The following NR2F2 variants were observed in gnomAD, a reference collection of about 807,000 sequenced individuals.
NR2F2 encodes COUP transcription factor 2.
In NR2F2, 2 loss-of-function variants were observed where a neutral mutation model predicts 34.8. The observed-to-expected ratio is 0.06, with a 90% confidence interval of 0.02 to 0.18. NR2F2 has a LOEUF of 0.18. NR2F2 is among the 10% of genes least tolerant of loss of function. The pLI, the probability that NR2F2 is intolerant of heterozygous loss-of-function variation, is 1.00. For missense variants in NR2F2, 300 were observed against 580.1 expected (o/e 0.52, Z 4.96); for synonymous variants, 274 against 251.8 (o/e 1.09, Z -0.84).
chr15:96,331,245 CCGGAGAGAGCGAGGCGCGCGCCGGA>C lies in NR2F2; in HGVS notation c.-858_-834del. On this transcript the variant is annotated 5_prime_UTR_variant, in exon 1 of 3. Transcript: ENST00000394166. ...ACCCAGCGACTGCGGGCGGCGGCGG[CCGGAGAGAGCGAGGCGCGCGCCGGA>C]CGCCCGGGGCAGGCGGCGGCGGCGG... 1 of 987,136 alleles carries C rather than the reference CCGGAGAGAGCGAGGCGCGCGCCGGA, an allele frequency of 1.0e-6. No homozygotes were observed. The highest frequency in any genetic ancestry group is 1.2e-6 in the Non-Finnish European group (1 of 832,294). The allele number at this position is 987,136 out of a possible 1,614,324, so 61.1% of individuals were successfully genotyped here.
In NR2F2 at chr15:96,334,260, C is replaced by G; in HGVS notation, c.627C>G (p.Ile209Met). The change falls in exon 2 of 3, where the codon ATC becomes ATG. Residue 209 changes from isoleucine to methionine, a missense_variant. By Grantham distance (10) the Ile-to-Met change is conservative. This residue lies in a region of NR2F2 where 164 missense variants were observed against 365.3 expected (regional missense o/e 0.45). Transcript: ENST00000394166. Reference sequence around the variant, plus strand: ...TGCAGCCCAACAACATCATGGGTATCGAGAACATTTGCGAACTGGCCGCGA... The same window carrying G: ...TGCAGCCCAACAACATCATGGGTATGGAGAACATTTGCGAACTGGCCGCGA... ...QCMQPNNIMG[I>M]ENICELAARM... 6.2e-7 allele frequency: 1 copy of G among 1,614,246 alleles called. No homozygotes were observed. The highest frequency in any genetic ancestry group is 8.5e-7 in the Non-Finnish European group (1 of 1,180,054).
chr15:96,333,237 G>A (rs1208183007), intron 1 of NR2F2: 7 of 626,830 alleles, frequency 1.1e-5, no homozygotes, highest in Non-Finnish European at 1.4e-5. Context: ...CGAGCGCCGC[G>A]AGCCGTGCTT....
upstream of NR2F2, among the ~76,000 whole-genome samples, chr15:96,330,076 G>A (rs1899087151): frequency 6.6e-6 from 1 of 152,128 alleles, no homozygotes; most frequent in Non-Finnish European, 1.5e-5. Context: ...CTTTCGTTTG[G>A]AAAATGCCTA....
At chr15:96,333,188 C>T in intron 1 of NR2F2, 3 of 245,426 alleles carry the variant, frequency 1.2e-5, no homozygotes, top group Non-Finnish European at 2.2e-5. Flanking sequence ...CGGCTGCTTT[C>T]GCTCTGCGCG....
upstream of NR2F2, chr15:96,327,179 C>CA (rs55741326): frequency 0.1 from 12,365 of 120,122 alleles, 635 homozygotes; most frequent in Admixed American, 0.16. Context: ...AAACCCAGTT[C>CA]AAAAAAAAAA....
In NR2F2 at chr15:96,340,152, AAC is replaced by A. The variant is rs1396527878; in HGVS notation, c.*2534_*2535del. On this transcript the variant is annotated 3_prime_UTR_variant, in exon 3 of 3. Transcript: ENST00000394166. The stretch of plus-strand genomic sequence containing the variant: ...TGTGTGAAGTTTCTCTAATAAGTAA[AAC>A]ACAGGCCCTTTTCCTTGTTTGTTTT... 6.6e-6 allele frequency: 1 copy of A among 152,166 alleles called. No individual in the cohort carries two copies. Among genetic ancestry groups the A allele is most frequent in the Non-Finnish European group, 1.5e-5 (1 of 68,034 alleles). The allele number at this position is 152,166 out of a possible 1,614,324, so 9.4% of individuals were successfully genotyped here.
intron 2 of NR2F2, among the ~76,000 whole-genome samples, chr15:96,336,442 T>C (rs1053360708): frequency 2.6e-5 from 4 of 152,070 alleles, no homozygotes; most frequent in African/African-American, 9.7e-5. Flanking sequence ...GAGGTGGTGG[T>C]GGAGATTTTC....
chr15:96,339,252 A>G lies in NR2F2; in HGVS notation c.*1630A>G, dbSNP rs889924949. ...TGACAGTTACTCAGAAGATCGTTCA[A>G]GCAAGCTAATCACAGCATTGTAACT... On this transcript the variant is annotated 3_prime_UTR_variant, in exon 3 of 3. Transcript: ENST00000394166. 1 of 152,220 alleles carries G rather than the reference A, an allele frequency of 6.6e-6. No individual in the cohort carries two copies. The highest frequency in any genetic ancestry group is 2.1e-4 in the South Asian group (1 of 4,828). 9.4% of individuals were successfully genotyped at this position (152,220 alleles called of 1,614,324 possible).
At position 96,340,092 on chromosome 15, in the gene NR2F2, G is replaced by T. The variant is rs11045; in HGVS notation, c.*2470G>T. 0.44 allele frequency: 66,802 copies of T among 152,036 alleles called. 19,996 individuals are homozygous for T. Among genetic ancestry groups the T allele is most frequent in the African/African-American group, 0.83 (34,338 of 41,480 alleles). The allele number at this position is 152,036 out of a possible 1,614,324, so 9.4% of individuals were successfully genotyped here. Reference sequence around the variant, plus strand: ...GTTCGAGGTTTTGTCGGTTGTTGTTGATTTTCTTCCTCTTGCAAGTGCTAT... The same window carrying T: ...GTTCGAGGTTTTGTCGGTTGTTGTTTATTTTCTTCCTCTTGCAAGTGCTAT... On this transcript the variant is annotated 3_prime_UTR_variant, in exon 3 of 3. Coordinates refer to ENST00000394166, the MANE Select transcript of NR2F2 (RefSeq NM_021005.4).
upstream of NR2F2, among the ~76,000 whole-genome samples, chr15:96,330,548 G>A (rs1449420495): frequency 6.7e-6 from 1 of 148,914 alleles, no homozygotes; most frequent in African/African-American, 2.4e-5. Context: ...CCGCAGTCCG[G>A]CCAATGACGG....
At position 96,339,301 on chromosome 15, in the gene NR2F2, T is replaced by A. The variant is rs1899431284; in HGVS notation, c.*1679T>A. Reference sequence around the variant, plus strand: ...CTAGAGGACAGTTGTTTGCAGTGAGTTTTTCCTTAAGTAGGTACGATTTTT... The same window carrying A: ...CTAGAGGACAGTTGTTTGCAGTGAGATTTTCCTTAAGTAGGTACGATTTTT... On this transcript the variant is annotated 3_prime_UTR_variant, in exon 3 of 3. Coordinates refer to ENST00000394166, the MANE Select transcript of NR2F2 (RefSeq NM_021005.4). 6.6e-6 allele frequency: 1 copy of A among 152,016 alleles called. No individual in the cohort carries two copies. Among genetic ancestry groups the A allele is most frequent in the Non-Finnish European group, 1.5e-5 (1 of 68,002 alleles). 9.4% of individuals were successfully genotyped at this position (152,016 alleles called of 1,614,324 possible).
chr15:96,330,950 G>A lies in NR2F2; in HGVS notation c.-1156G>A. ...TTTTTCTCCCCCCTCTGCGCACGAA[G>A]GATGTGCTTCTAGGTGGTGATCTGC... On this transcript the variant is annotated 5_prime_UTR_variant, in exon 1 of 3. Coordinates refer to ENST00000394166, the MANE Select transcript of NR2F2 (RefSeq NM_021005.4). 1.7e-6 allele frequency: 2 copies of A among 1,155,370 alleles called. No homozygotes were observed. The highest frequency in any genetic ancestry group is 2.1e-6 in the Non-Finnish European group (2 of 937,390). The allele number at this position is 1,155,370 out of a possible 1,614,324, so 71.6% of individuals were successfully genotyped here.
chr15:96,331,267 C>T lies in NR2F2; in HGVS notation c.-839C>T. The T allele has an allele frequency of 9.0e-6, 9 of 999,284 alleles. No individual in the cohort carries two copies. The highest frequency in any genetic ancestry group is 5.1e-4 in the Middle Eastern group (1 of 1,978). The allele number at this position is 999,284 out of a possible 1,614,324, so 61.9% of individuals were successfully genotyped here. A position where few individuals can be genotyped will look rare whatever the true frequency, so the allele number is the denominator to read the frequency against. ...CGGCCGGAGAGAGCGAGGCGCGCGC[C>T]GGACGCCCGGGGCAGGCGGCGGCGG... is the stretch of plus-strand genomic sequence containing the variant. On this transcript the variant is annotated 5_prime_UTR_variant, in exon 1 of 3. Coordinates refer to ENST00000394166, the MANE Select transcript of NR2F2 (RefSeq NM_021005.4).
Position 96,334,389 on chromosome 15 carries a change from G to C in NR2F2, c.756G>C (p.Leu252=). The C allele has an allele frequency of 6.2e-7, 1 of 1,614,182 alleles. No individual in the cohort carries two copies. The highest frequency in any genetic ancestry group is 8.5e-7 in the Non-Finnish European group (1 of 1,180,040). ...VALLRLTWSE[L]FVLNAAQCSM... ...TGCTTCGCCTCACCTGGAGCGAGCT[G>C]TTTGTGTTGAATGCGGCGCAGTGCT... is the stretch of plus-strand genomic sequence containing the variant. The change falls in exon 2 of 3, where the codon CTG becomes CTC. Residue 252 remains leucine (L), a synonymous_variant. Coordinates refer to ENST00000394166, the MANE Select transcript of NR2F2 (RefSeq NM_021005.4).
chr15:96,333,778 C>A (rs1899231820), intron 1 of NR2F2: 1 of 1,382,132 alleles, frequency 7.2e-7, no homozygotes, highest in African/African-American at 1.4e-5. Flanking sequence ...ATGCTACATC[C>A]CGCCCACAGC....
rs1313883301 is a variant in NR2F2 at position 96,331,042 on chromosome 15, A to AGGC, written c.-1054_-1052dup. On this transcript the variant is annotated 5_prime_UTR_variant, in exon 1 of 3. Transcript: ENST00000394166. ...AGTTGACTCTTTCCCTATGTGTGTG[A>AGGC]GGCGGCGGCGGCAGCAGCAGCAGCA... 8.0e-4 allele frequency: 994 copies of AGGC among 1,238,346 alleles called. 5 individuals carry two copies. In the East Asian group the frequency reaches 0.019, roughly 24 times the overall value. 76.7% of individuals were successfully genotyped at this position (1,238,346 alleles called of 1,614,324 possible).
Position 96,331,734 on chromosome 15 carries a change from C to T in NR2F2, c.-372C>T. ...TACTTCTGTCTTGAAGCCAGACAATCGACTTCAGCTCTCCCTCCCCTCCCT... is the reference window on the plus strand; with the variant it reads ...TACTTCTGTCTTGAAGCCAGACAATTGACTTCAGCTCTCCCTCCCCTCCCT... On this transcript the variant is annotated 5_prime_UTR_variant, in exon 1 of 3. Transcript: ENST00000394166. The T allele has an allele frequency of 9.6e-7, 1 of 1,040,042 alleles. No homozygotes were observed. The highest frequency in any genetic ancestry group is 1.2e-6 in the Non-Finnish European group (1 of 820,190). 64.4% of individuals were successfully genotyped at this position (1,040,042 alleles called of 1,614,324 possible). A position where few individuals can be genotyped will look rare whatever the true frequency, so the allele number is the denominator to read the frequency against.
chr15:96,326,581 A>AG (rs1388794299), upstream of NR2F2, among the ~76,000 whole-genome samples: 1 of 148,686 alleles, frequency 6.7e-6, no homozygotes, highest in Non-Finnish European at 1.5e-5. The surrounding 1 kb of genome is among the most constrained non-coding windows in gnomAD (Gnocchi z 5.5). Context: ...GTGGAGGGGG[A>AG]GGGGGGAAAA....
At chr15:96,335,347 C>T (rs746151244) in intron 2 of NR2F2, among the ~76,000 whole-genome samples, 3 of 152,248 alleles carry the variant, frequency 2.0e-5, no homozygotes, top group Non-Finnish European at 2.9e-5. Context: ...ATAAAACCAT[C>T]ATTGACTGCA....
Sources: allele counts gnomAD v4.1 joint callset (sites outside exome capture counted in the v4.1 genomes callset), GRCh38; gene constraint gnomAD v4.1.1; regional missense constraint gnomAD v4.1.1; non-coding constraint Gnocchi (gnomAD v3.1); transcripts MANE v1.5; gene names NCBI Gene and HGNC (gene_info 2026-07-23, HGNC 2026-07-21).